Variants in FNBP1 observed in about 807,000 individuals in gnomAD.
FNBP1 encodes the protein formin binding protein 1, also known as formin-binding protein 1.
A neutral mutation model predicts 90.6 loss-of-function variants in FNBP1; 26 were observed. That is an observed-to-expected ratio of 0.29 (90% CI 0.21 to 0.40). FNBP1 has a LOEUF of 0.40. FNBP1 is among the 10% of genes least tolerant of loss of function. FNBP1 has a pLI of 1.00. For synonymous variants in FNBP1, 260 were observed against 265.2 expected, an observed-to-expected ratio of 0.98 and a Z score of 0.19; for missense variants, 635 against 768.0, an observed-to-expected ratio of 0.83 and a Z score of 2.05.
chr9:129,945,509 C>A (rs543042195), intron 6 of FNBP1, among the ~76,000 whole-genome samples: 8 of 152,318 alleles, frequency 5.3e-5, no homozygotes, highest in Admixed American at 3.9e-4. Context: ...AAGATGTCAA[C>A]CTAGTACTAC....
intron 1 of FNBP1, among the ~76,000 whole-genome samples, chr9:130,002,935 C>T (rs1223830855): frequency 6.6e-6 from 1 of 152,136 alleles, no homozygotes; most frequent in African/African-American, 2.4e-5. Flanking sequence ...AAGGTGTGTG[C>T]CAGGTGCTGT....
At chr9:130,016,339 G>T (rs1169638621) in intron 1 of FNBP1, among the ~76,000 whole-genome samples, 4 of 152,058 alleles carry the variant, frequency 2.6e-5, no homozygotes, top group Admixed American at 2.6e-4. Flanking sequence ...AGGTGCTCTT[G>T]GCATTGTTCA....
chr9:129,952,102 G>T (rs1023054891), intron 6 of FNBP1, among the ~76,000 whole-genome samples: 7 of 151,918 alleles, frequency 4.6e-5, no homozygotes, highest in Non-Finnish European at 1.0e-4. Context: ...TGAGGCATGA[G>T]AACGGTTTGA....
chr9:129,964,590 T>G (rs1412039631), intron 4 of FNBP1, among the ~76,000 whole-genome samples: 1 of 149,216 alleles, frequency 6.7e-6, no homozygotes, highest in Non-Finnish European at 1.5e-5. Context: ...CAGAGGTGGC[T>G]GAGATTAAAA....
intron 2 of FNBP1, among the ~76,000 whole-genome samples, chr9:129,994,456 T>C (rs1306157725): frequency 6.6e-6 from 1 of 152,242 alleles, no homozygotes; most frequent in African/African-American, 2.4e-5. Context: ...GGCTGGTCTT[T>C]CTGTTTCTTG....
At chr9:130,052,466 T>G in the FNBP1 span, among the ~76,000 whole-genome samples, 9 of 152,078 alleles carry the variant, frequency 5.9e-5, no homozygotes, top group Non-Finnish European at 1.0e-4. Context: ...AGAGTCTCAC[T>G]CTGTCACCCA....
intron 1 of FNBP1, among the ~76,000 whole-genome samples, chr9:130,003,109 T>C (rs1313961586): frequency 1.6e-5 from 2 of 128,986 alleles, no homozygotes; most frequent in Non-Finnish European, 3.3e-5. Context: ...GTTTGGGTCA[T>C]TATATCTTCA....
At chr9:129,892,441 A>T (rs1046235971) in intron 16 of FNBP1, among the ~76,000 whole-genome samples, 1 of 151,146 alleles carries the variant, frequency 6.6e-6, no homozygotes, top group African/African-American at 2.4e-5. Flanking sequence ...GCATTATAAA[A>T]ATAAAACAGC....
chr9:130,011,305 G>T (rs1167487111), intron 1 of FNBP1, among the ~76,000 whole-genome samples: 6 of 114,714 alleles, frequency 5.2e-5, no homozygotes, highest in Non-Finnish European at 8.8e-5. Flanking sequence ...ACAGCATGAA[G>T]AATTACAAGT....
At chr9:130,025,571 T>C (rs2058261185) in intron 1 of FNBP1, among the ~76,000 whole-genome samples, 1 of 152,180 alleles carries the variant, frequency 6.6e-6, no homozygotes, top group Non-Finnish European at 1.5e-5. Context: ...AATTCATTGA[T>C]CACGTCCACA....
chr9:129,999,243 C>A (rs2054474919), intron 1 of FNBP1, among the ~76,000 whole-genome samples: 1 of 152,114 alleles, frequency 6.6e-6, no homozygotes, highest in African/African-American at 2.4e-5. Context: ...AAAAATGCAT[C>A]CCTTCCTGCC....
chr9:130,004,288 C>A (rs1456876676), intron 1 of FNBP1, among the ~76,000 whole-genome samples: 2 of 151,706 alleles, frequency 1.3e-5, no homozygotes, highest in African/African-American at 4.8e-5. Flanking sequence ...TGTACTAAAC[C>A]AACATTAATT....
At chr9:129,891,404 G>A (rs1333839408) in intron 16 of FNBP1, among the ~76,000 whole-genome samples, 1 of 152,142 alleles carries the variant, frequency 6.6e-6, no homozygotes, top group African/African-American at 2.4e-5. Flanking sequence ...GGTCGAGGCT[G>A]CAGCGAGCCA....
chr9:130,013,859 T>C (rs888384504), intron 1 of FNBP1: 16 of 432,974 alleles, frequency 3.7e-5, no homozygotes, highest in Non-Finnish European at 6.9e-5. Flanking sequence ...TTTGATGCCC[T>C]CTTGCTCTCT....
At chr9:130,053,852 T>G in the FNBP1 span, 2 of 1,371,560 alleles carry the variant, frequency 1.5e-6, no homozygotes, top group Admixed American at 4.3e-5. Context: ...CGAGCCCCGC[T>G]CCCCGGGCCC....
At chr9:129,935,646 C>T (rs2043322794) in intron 6 of FNBP1, among the ~76,000 whole-genome samples, 2 of 152,046 alleles carry the variant, frequency 1.3e-5, no homozygotes, top group Non-Finnish European at 2.9e-5. Context: ...TACCACCATG[C>T]CCAGCTAATT....
At chr9:129,919,163 T>C (rs1385361568) in intron 10 of FNBP1, 6 of 1,293,084 alleles carry the variant, frequency 4.6e-6, no homozygotes, top group Non-Finnish European at 6.1e-6. Context: ...ACTTACAACA[T>C]AGTCCCTAGC....
chr9:129,935,605 AACCTCC>A (rs2043312179), intron 6 of FNBP1, among the ~76,000 whole-genome samples: 2 of 152,038 alleles, frequency 1.3e-5, no homozygotes, highest in African/African-American at 4.8e-5. Flanking sequence ...CTCCTGCCTC[AACCTCC>A]TGAGTAGCTG....
intron 6 of FNBP1, among the ~76,000 whole-genome samples, chr9:129,935,437 G>A (rs1327780322): frequency 6.6e-6 from 1 of 151,714 alleles, no homozygotes; most frequent in African/African-American, 2.4e-5. Flanking sequence ...TGGTATAACC[G>A]AGTTATAACC....
Sources: gnomAD v4.1 joint callset for allele counts (sites outside exome capture counted in the v4.1 genomes callset) on GRCh38, gnomAD v4.1.1 for gene constraint, MANE v1.5 for transcripts, NCBI Gene and HGNC (gene_info 2026-07-23, HGNC 2026-07-21) for gene names.